Variants in ZNF385C observed in about 807,000 individuals in gnomAD.
ZNF385C encodes CTD-2132N18.2.
A neutral mutation model predicts 35.4 loss-of-function variants in ZNF385C; 28 were observed. The observed-to-expected ratio is 0.79, with a 90% CI of 0.59 to 1.08. The LOEUF (loss-of-function observed/expected upper bound fraction) is 1.08. Ranked by LOEUF, ZNF385C falls within the 50% of genes least tolerant of loss-of-function variation. The probability of loss-of-function intolerance (pLI) is 0.00; values close to 1 mark genes in which losing one functional copy is unlikely to be tolerated. For synonymous variants in ZNF385C, 248 were observed against 248.2 expected, an observed-to-expected ratio of 1.00 and a Z score of 0.01; for missense variants, 605 against 595.6, an observed-to-expected ratio of 1.02 and a Z score of -0.16.
intron 3 of ZNF385C, among the ~76,000 whole-genome samples, chr17:42,037,234 G>A (rs1163223418): frequency 6.6e-6 from 1 of 152,146 alleles, no homozygotes; most frequent in Non-Finnish European, 1.5e-5. Flanking sequence ...TAAACCCTCA[G>A]ATTGTGCAGG....
At chr17:42,074,398 T>TC (rs2053663147) in intron 1 of ZNF385C, among the ~76,000 whole-genome samples, 1 of 152,042 alleles carries the variant, frequency 6.6e-6, no homozygotes, top group African/African-American at 2.4e-5. Flanking sequence ...CTAAAGATTT[T>TC]TTTTTTTTTT....
intron 1 of ZNF385C, among the ~76,000 whole-genome samples, chr17:42,074,624 C>T (rs1555659096): frequency 6.6e-6 from 1 of 152,188 alleles, no homozygotes; most frequent in Non-Finnish European, 1.5e-5. Context: ...CTCCTGACCT[C>T]ATGTTCCACC....
intron 6 of ZNF385C, 133 bp downstream of exon 6, chr17:42,028,650 T>G (rs2052654230): frequency 1.7e-6 from 2 of 1,165,444 alleles, no homozygotes; most frequent in Non-Finnish European, 2.4e-6. Context: ...GTCCGTTCAG[T>G]AACACACAAG....
chr17:42,067,582 C>T (rs1157731225), intron 1 of ZNF385C, among the ~76,000 whole-genome samples: 5 of 152,184 alleles, frequency 3.3e-5, no homozygotes, highest in Admixed American at 6.5e-5. Context: ...AGCCACACCA[C>T]GGGTCCAGGG....
At chr17:42,091,705 G>A (rs2053864534) in intron 1 of ZNF385C, among the ~76,000 whole-genome samples, 1 of 152,188 alleles carries the variant, frequency 6.6e-6, no homozygotes, top group Non-Finnish European at 1.5e-5. Context: ...TCTCAACCTA[G>A]GGAGAGTCTC....
chr17:42,054,019 G>T (rs1555657353), intron 2 of ZNF385C, among the ~76,000 whole-genome samples: 1 of 152,196 alleles, frequency 6.6e-6, no homozygotes, highest in Non-Finnish European at 1.5e-5. Flanking sequence ...GTCTCTCTTT[G>T]CCAGGAAGGA....
At chr17:42,064,060 G>A (rs574524154) in intron 1 of ZNF385C, among the ~76,000 whole-genome samples, 7 of 126,546 alleles carry the variant, frequency 5.5e-5, no homozygotes, top group South Asian at 2.7e-4. Flanking sequence ...CCCCCAACGC[G>A]CGCACACGCA....
At chr17:42,029,182 G>A in intron 5 of ZNF385C, 109 bp from the exon 6 acceptor site, 1 of 1,285,928 alleles carries the variant, frequency 7.8e-7, no homozygotes. Flanking sequence ...GACCAGCACT[G>A]AATTCCAGGC....
chr17:42,088,166 G>A (rs1317151192), intron 1 of ZNF385C, among the ~76,000 whole-genome samples: 1 of 152,252 alleles, frequency 6.6e-6, no homozygotes, highest in African/African-American at 2.4e-5. Flanking sequence ...CACAAGTGTA[G>A]TCAATCAACA....
chr17:42,089,242 G>A (rs1701557367), intron 1 of ZNF385C, among the ~76,000 whole-genome samples: 2 of 152,050 alleles, frequency 1.3e-5, no homozygotes, highest in African/African-American at 2.4e-5. Context: ...CTTGAACCTG[G>A]GAGGTCGAGG....
chr17:42,028,349 C>CG, intron 6 of ZNF385C, 103 bp from the exon 7 acceptor site: 2 of 1,212,014 alleles, frequency 1.7e-6, no homozygotes, highest in South Asian at 1.5e-5. Context: ...GTAAGCCTCA[C>CG]GGCTGCTCTG....
chr17:42,040,353 C>G, intron 2 of ZNF385C: 1 of 1,231,854 alleles, frequency 8.1e-7, no homozygotes, highest in Non-Finnish European at 1.0e-6. Context: ...CGTCAGGGTC[C>G]ATGGATGCCA....
chr17:42,044,264 C>T (rs1322651404), intron 2 of ZNF385C, among the ~76,000 whole-genome samples: 2 of 135,058 alleles, frequency 1.5e-5, no homozygotes, highest in African/African-American at 5.6e-5. Flanking sequence ...GCCATGATGG[C>T]GCCACTGCAT....
chr17:42,043,183 G>T, intron 2 of ZNF385C: 1 of 1,232,236 alleles, frequency 8.1e-7, no homozygotes, highest in Non-Finnish European at 1.0e-6. Flanking sequence ...TGTGCCCACA[G>T]TGAAGGCGTT....
intron 2 of ZNF385C, chr17:42,040,415 G>A (rs1335079125): frequency 1.4e-5 from 17 of 1,231,954 alleles, no homozygotes; most frequent in Non-Finnish European, 1.7e-5. Flanking sequence ...CGCTGAGCTT[G>A]GAGGGAGGCC....
At chr17:42,085,126 G>A (rs1057011728) in intron 1 of ZNF385C, among the ~76,000 whole-genome samples, 12 of 151,868 alleles carry the variant, frequency 7.9e-5, no homozygotes, top group Non-Finnish European at 1.2e-4. Context: ...GTGAAACCCC[G>A]TCTCTACTAA....
intron 8 of ZNF385C, 141 bp from the exon 9 acceptor site, chr17:42,027,274 C>T (rs2052607036): frequency 1.3e-6 from 1 of 753,908 alleles, no homozygotes; most frequent in Non-Finnish European, 2.2e-6. Context: ...CCTTCCCACC[C>T]CCAAACATTC....
At position 42,028,053 on chromosome 17, in the gene ZNF385C, C is replaced by T. The variant is rs782726334; in HGVS notation, c.1161G>A (p.Lys387=). The part of the protein sequence containing the change: ...QLQVNSETQL[K]QHMSSRRHKD... ...GTCACAGCCTCACTTCTCCCACCTGCTTCAGTTGGGTCTCTGAATTGACCT... is the reference window on the plus strand; with the variant it reads ...GTCACAGCCTCACTTCTCCCACCTGTTTCAGTTGGGTCTCTGAATTGACCT... Residue 387 remains lysine (K), a synonymous_variant, in exon 7 of 9, where the codon AAG becomes AAA. Transcript: ENST00000692273. The T allele has an allele frequency of 1.9e-6, 3 of 1,613,842 alleles. No individual in the cohort carries two copies. The highest frequency in any genetic ancestry group is 2.5e-6 in the Non-Finnish European group (3 of 1,179,860).
intron 8 of ZNF385C, 148 bp from the exon 9 acceptor site, chr17:42,027,281 A>G: frequency 2.7e-6 from 2 of 730,970 alleles, no homozygotes; most frequent in Non-Finnish European, 4.6e-6. Flanking sequence ...ACCCCCAAAC[A>G]TTCATTCCGA....
Sources: gnomAD v4.1 joint callset for allele counts (sites outside exome capture counted in the v4.1 genomes callset) on GRCh38, gnomAD v4.1.1 for gene constraint, MANE v1.5 for transcripts, NCBI Gene and HGNC (gene_info 2026-07-23, HGNC 2026-07-21) for gene names.